Variants in PCDH15 observed in about 807,000 individuals in gnomAD.
PCDH15 encodes the protein protocadherin related 15.
Under a neutral mutation model 178.5 loss-of-function variants are expected in PCDH15, and 129 were observed. The ratio of observed to expected loss-of-function variants is 0.72; its 90% CI spans 0.63 to 0.84. The LOEUF is 0.84. PCDH15 is among the 40% of genes least tolerant of loss of function. The pLI, the probability that PCDH15 is intolerant of heterozygous loss-of-function variation, is 0.00. For missense variants in PCDH15, 2,230 were observed against 2,099.9 expected (o/e 1.06, Z -1.21); for synonymous variants, 800 against 732.0 (o/e 1.09, Z -1.50).
intron 9 of PCDH15, among the ~76,000 whole-genome samples, chr10:54,225,303 T>C (rs713272): frequency 0.017 from 2,539 of 152,294 alleles, 39 homozygotes; most frequent in African/African-American, 0.04. Context: ...TTCATATCTG[T>C]TATTTAAACA....
At chr10:54,731,563 TACACACACACACACACAC>T (rs1159070523) in intron 1 of PCDH15, among the ~76,000 whole-genome samples, 131 of 49,784 alleles carry the variant, frequency 2.6e-3, no homozygotes, top group Middle Eastern at 0.014. Context: ...TATATATATA[TACACACACACACACACAC>T]ACACACACAC....
At chr10:54,044,317 GT>G (rs1680943032) in intron 18 of PCDH15, among the ~76,000 whole-genome samples, 1 of 152,100 alleles carries the variant, frequency 6.6e-6, no homozygotes, top group African/African-American at 2.4e-5. Flanking sequence ...GGGATTTGAA[GT>G]TAAAGGTATA....
intron 2 of PCDH15, among the ~76,000 whole-genome samples, chr10:55,426,557 C>A (rs190960083): frequency 7.8e-4 from 119 of 152,230 alleles, no homozygotes; most frequent in African/African-American, 2.7e-3. Context: ...CTCTTTAGCT[C>A]GGCCGTCCAT....
chr10:53,813,370 C>T (rs2075947072), intron 35 of PCDH15, among the ~76,000 whole-genome samples: 2 of 152,046 alleles, frequency 1.3e-5, no homozygotes, highest in Admixed American at 6.6e-5. Flanking sequence ...ACTTTGTGAA[C>T]CTACTCTAAA....
At chr10:55,463,130 A>C (rs1287824289) in intron 2 of PCDH15, among the ~76,000 whole-genome samples, 2 of 151,874 alleles carry the variant, frequency 1.3e-5, no homozygotes, top group African/African-American at 4.8e-5. Context: ...ACCAACCAAC[A>C]AACAAAAAGC....
At chr10:55,022,439 G>A (rs11004677) in intron 2 of PCDH15, among the ~76,000 whole-genome samples, 63,743 of 137,798 alleles carry the variant, frequency 0.46, 16,245 homozygotes, top group East Asian at 0.75. Flanking sequence ...GTGACAGAGC[G>A]AGACTCTGTC....
At chr10:55,086,223 T>C (rs1045864729) in intron 2 of PCDH15, among the ~76,000 whole-genome samples, 14 of 152,152 alleles carry the variant, frequency 9.2e-5, no homozygotes, top group African/African-American at 3.1e-4. Flanking sequence ...TACTTCATTG[T>C]AATCACTCTC....
At chr10:55,391,213 C>T (rs1185708502) in intron 2 of PCDH15, among the ~76,000 whole-genome samples, 1 of 151,768 alleles carries the variant, frequency 6.6e-6, no homozygotes, top group East Asian at 1.9e-4. Flanking sequence ...GGACTTGTGA[C>T]TTCACCTTGA....
chr10:55,613,267 G>A (rs1156385351), intron 2 of PCDH15, among the ~76,000 whole-genome samples: 2 of 151,952 alleles, frequency 1.3e-5, no homozygotes, highest in African/African-American at 2.4e-5. Context: ...TCTTTGAAGG[G>A]AACTGGTGAC....
At chr10:54,480,675 C>T (rs990285011) in intron 3 of PCDH15, among the ~76,000 whole-genome samples, 1 of 151,780 alleles carries the variant, frequency 6.6e-6, no homozygotes, top group African/African-American at 2.4e-5. Context: ...CATTATTAAA[C>T]CTAAATAGAG....
At chr10:53,820,897 T>C (rs2076237298) in intron 32 of PCDH15, among the ~76,000 whole-genome samples, 1 of 152,056 alleles carries the variant, frequency 6.6e-6, no homozygotes, top group South Asian at 2.1e-4. Context: ...AAAAGAGTGA[T>C]TGATAGTTCA....
intron 2 of PCDH15, among the ~76,000 whole-genome samples, chr10:55,615,179 T>C (rs139983344): frequency 0.01 from 1,575 of 152,192 alleles, 14 homozygotes; most frequent in Non-Finnish European, 0.016. Context: ...AAAACAATTG[T>C]ATGCAAATAA....
chr10:53,881,646 C>T (rs968772509), intron 26 of PCDH15, among the ~76,000 whole-genome samples: 1 of 151,942 alleles, frequency 6.6e-6, no homozygotes, highest in African/African-American at 2.4e-5. Flanking sequence ...AAAAACCAAG[C>T]CACCATGTAT....
Position 54,308,667 on chromosome 10 carries a change from T to A in PCDH15, c.876+8604A>T, listed in dbSNP as rs375399705. 2.2e-3 allele frequency among the ~76,000 whole-genome samples: 328 copies of A among 152,130 alleles called. 1 individual carries two copies. Among genetic ancestry groups the A allele is most frequent in the African/African-American group, 5.6e-3 (231 of 41,522 alleles). On this transcript the variant is annotated intron_variant, in intron 8 of 37. Coordinates refer to ENST00000644397, the MANE Select transcript of PCDH15 (RefSeq NM_001384140.1). Reference sequence around the variant, plus strand: ...TAAAAAATTTACTTTAATTTCTGGGTTACATGTGCAGAACGTGCAGGTTTG... The same window carrying A: ...TAAAAAATTTACTTTAATTTCTGGGATACATGTGCAGAACGTGCAGGTTTG...
chr10:55,461,544 T>A (rs996557236), intron 2 of PCDH15, among the ~76,000 whole-genome samples: 1 of 151,830 alleles, frequency 6.6e-6, no homozygotes, highest in African/African-American at 2.4e-5. Context: ...CAGAATTTGA[T>A]CTTATTTCTA....
intron 2 of PCDH15, among the ~76,000 whole-genome samples, chr10:55,158,792 G>T (rs1294710175): frequency 1.3e-5 from 2 of 151,810 alleles, no homozygotes; most frequent in Non-Finnish European, 2.9e-5. Context: ...TTCTGTGATG[G>T]CATTTGTAAT....
chr10:54,371,052 T>C (rs1240845994), intron 4 of PCDH15, among the ~76,000 whole-genome samples: 1 of 151,900 alleles, frequency 6.6e-6, no homozygotes, highest in Non-Finnish European at 1.5e-5. Context: ...GGCATTAAAA[T>C]CATGTGTATA....
intron 1 of PCDH15, among the ~76,000 whole-genome samples, chr10:55,313,068 T>G (rs1239115353): frequency 6.6e-6 from 1 of 152,142 alleles, no homozygotes; most frequent in Non-Finnish European, 1.5e-5. Context: ...AATAAGAAAA[T>G]GTACTTAGGA....
chr10:54,723,348 C>T (rs1941959935), intron 1 of PCDH15, among the ~76,000 whole-genome samples: 1 of 151,676 alleles, frequency 6.6e-6, no homozygotes, highest in African/African-American at 2.4e-5. Flanking sequence ...TAGCCACGTG[C>T]AGAATAATGA....
Sources: allele counts gnomAD v4.1 joint callset (sites outside exome capture counted in the v4.1 genomes callset), GRCh38; gene constraint gnomAD v4.1.1; transcripts MANE v1.5; gene names NCBI Gene and HGNC (gene_info 2026-07-23, HGNC 2026-07-21).